Variants in DCDC2 observed in about 807,000 individuals in gnomAD.
The protein encoded by DCDC2 is doublecortin domain-containing protein 2.
In DCDC2, 40 loss-of-function variants were observed where a neutral mutation model predicts 50.2. That is an observed-to-expected ratio of 0.80 (90% CI 0.62 to 1.04). DCDC2 has a LOEUF of 1.04. Ranked by LOEUF, DCDC2 falls within the 50% of genes least tolerant of loss-of-function variation. The pLI, the probability that DCDC2 is intolerant of heterozygous loss-of-function variation, is 0.00. For synonymous variants in DCDC2, 234 were observed against 210.6 expected (o/e 1.11, Z -0.96); for missense variants, 570 against 581.9 (o/e 0.98, Z 0.21).
At chr6:24,262,496 G>A (rs1447661173) in intron 7 of DCDC2, among the ~76,000 whole-genome samples, 1 of 152,150 alleles carries the variant, frequency 6.6e-6, no homozygotes, top group African/African-American at 2.4e-5. Flanking sequence ...GTGGACTTGG[G>A]GTGCACACAA....
intron 9 of DCDC2, among the ~76,000 whole-genome samples, chr6:24,175,963 A>C (rs1219888250): frequency 6.6e-6 from 1 of 152,196 alleles, no homozygotes; most frequent in African/African-American, 2.4e-5. Flanking sequence ...GAGTCAAATA[A>C]GATTAAATCT....
At chr6:24,266,637 T>G (rs1396973731) in intron 7 of DCDC2, among the ~76,000 whole-genome samples, 1 of 152,158 alleles carries the variant, frequency 6.6e-6, no homozygotes, top group African/African-American at 2.4e-5. Flanking sequence ...CTCAACCCAG[T>G]TATTTTATTC....
At chr6:24,212,642 C>T (rs1326728145) in intron 7 of DCDC2, among the ~76,000 whole-genome samples, 2 of 152,194 alleles carry the variant, frequency 1.3e-5, no homozygotes, top group Non-Finnish European at 2.9e-5. Context: ...TCAATTACTA[C>T]GTGAAGGATC....
chr6:24,343,885 A>G (rs1482345690), intron 2 of DCDC2, among the ~76,000 whole-genome samples: 1 of 152,162 alleles, frequency 6.6e-6, no homozygotes, highest in Non-Finnish European at 1.5e-5. Flanking sequence ...GTACAACATA[A>G]TTTTTTGATA....
intron 2 of DCDC2, among the ~76,000 whole-genome samples, chr6:24,318,652 C>A (rs1759715326): frequency 6.6e-6 from 1 of 152,036 alleles, no homozygotes; most frequent in African/African-American, 2.4e-5. Context: ...GGAATATGCA[C>A]TTCCTATGTC....
intron 7 of DCDC2, among the ~76,000 whole-genome samples, chr6:24,265,820 T>A (rs1266062860): frequency 1.3e-5 from 2 of 149,686 alleles, no homozygotes; most frequent in Non-Finnish European, 1.5e-5. Context: ...AAAAAAAAAA[T>A]TCATATACCA....
chr6:24,198,195 A>T (rs914466646), intron 8 of DCDC2, among the ~76,000 whole-genome samples: 3 of 152,318 alleles, frequency 2.0e-5, no homozygotes, highest in Non-Finnish European at 2.9e-5. Context: ...CTGGCATTTT[A>T]AAAAAATGCT....
intron 7 of DCDC2, among the ~76,000 whole-genome samples, chr6:24,269,195 T>C (rs1763187076): frequency 6.6e-6 from 1 of 152,238 alleles, no homozygotes; most frequent in Admixed American, 6.5e-5. Flanking sequence ...CCCTGTCTCA[T>C]AGTGCCAAGC....
chr6:24,329,027 T>C (rs145586826), intron 2 of DCDC2, among the ~76,000 whole-genome samples: 1 of 152,316 alleles, frequency 6.6e-6, no homozygotes, highest in African/African-American at 2.4e-5. Flanking sequence ...GGATTTAAAC[T>C]TAAGGCTATT....
intron 6 of DCDC2, among the ~76,000 whole-genome samples, chr6:24,283,794 TTC>T (rs1259776389): frequency 1.3e-5 from 2 of 152,218 alleles, no homozygotes; most frequent in African/African-American, 4.8e-5. Flanking sequence ...GCATAGGAAG[TTC>T]TGTGTGGCTC....
chr6:24,203,299 C>T (rs911996027), intron 8 of DCDC2, among the ~76,000 whole-genome samples: 3 of 152,044 alleles, frequency 2.0e-5, no homozygotes, highest in African/African-American at 7.2e-5. Context: ...TATAGACCAA[C>T]TGAGCAGCAC....
At chr6:24,306,571 C>CAGAG in intron 2 of DCDC2, among the ~76,000 whole-genome samples, 1 of 148,334 alleles carries the variant, frequency 6.7e-6, no homozygotes, top group Non-Finnish European at 1.5e-5. Flanking sequence ...GACAGACAGA[C>CAGAG]AGACAAAATA....
intron 7 of DCDC2, among the ~76,000 whole-genome samples, chr6:24,225,512 T>C (rs1762213875): frequency 6.6e-6 from 1 of 152,156 alleles, no homozygotes; most frequent in Non-Finnish European, 1.5e-5. Flanking sequence ...AAACTGAATA[T>C]TAGCCTGTGA....
the DCDC2 span, among the ~76,000 whole-genome samples, chr6:24,367,041 G>T: frequency 1.3e-5 from 2 of 151,986 alleles, no homozygotes; most frequent in African/African-American, 2.4e-5. Context: ...TCTCTGTGTT[G>T]CCCAGGCTGG....
At chr6:24,246,702 G>GTCTTGAAC (rs1329116161) in intron 7 of DCDC2, among the ~76,000 whole-genome samples, 1 of 151,768 alleles carries the variant, frequency 6.6e-6, no homozygotes, top group East Asian at 1.9e-4. Flanking sequence ...GGCCAGGTTG[G>GTCTTGAAC]TCTTGAACTC....
chr6:24,317,615 T>A (rs775303806), intron 2 of DCDC2, among the ~76,000 whole-genome samples: 3 of 152,022 alleles, frequency 2.0e-5, no homozygotes, highest in Admixed American at 6.6e-5. Context: ...TGACTCCATA[T>A]CCAGAGGCAA....
intron 2 of DCDC2, among the ~76,000 whole-genome samples, chr6:24,306,640 T>C (rs1008471403): frequency 1.5e-4 from 23 of 152,168 alleles, no homozygotes; most frequent in African/African-American, 5.1e-4. Context: ...ATTCTTACCC[T>C]GCTGGAATGG....
At chr6:24,286,999 T>C (rs1431705388) in intron 6 of DCDC2, among the ~76,000 whole-genome samples, 1 of 152,196 alleles carries the variant, frequency 6.6e-6, no homozygotes, top group Non-Finnish European at 1.5e-5. Flanking sequence ...GACTTATCTA[T>C]GGCTTCTCAC....
chr6:24,206,737 TA>T (rs1443798027), intron 7 of DCDC2, among the ~76,000 whole-genome samples: 1 of 152,026 alleles, frequency 6.6e-6, no homozygotes, highest in African/African-American at 2.4e-5. Context: ...TAACAACAAA[TA>T]AAATAAAATT....
Sources: gnomAD v4.1 joint callset for allele counts (sites outside exome capture counted in the v4.1 genomes callset) on GRCh38, gnomAD v4.1.1 for gene constraint, MANE v1.5 for transcripts, NCBI Gene and HGNC (gene_info 2026-07-23, HGNC 2026-07-21) for gene names.